DLGAP2: variants seen among roughly 807,000 people sequenced by gnomAD.
DLGAP2 encodes disks large-associated protein 2.
Under a neutral mutation model 100.3 loss-of-function variants are expected in DLGAP2, and 26 were observed. The observed-to-expected ratio is 0.26, with a 90% CI of 0.19 to 0.36. The LOEUF (loss-of-function observed/expected upper bound fraction) is 0.36. Among genes scored for constraint, DLGAP2 ranks in the 10% least tolerant of loss-of-function variants. The probability of loss-of-function intolerance (pLI) is 1.00; values close to 1 mark genes in which losing one functional copy is unlikely to be tolerated. For missense variants in DLGAP2, 1,858 were observed against 1,453.2 expected, an observed-to-expected ratio of 1.28 and a Z score of -4.53; for synonymous variants, 886 against 630.1, an observed-to-expected ratio of 1.41 and a Z score of -6.08.
chr8:1,509,327 CCA>C (rs1563191849), intron 4 of DLGAP2, among the ~76,000 whole-genome samples: 1 of 77,506 alleles, frequency 1.3e-5, no homozygotes, highest in African/African-American at 4.5e-5. Context: ...AAGACTCCGT[CCA>C]AAAAAAAAAA....
At chr8:849,337 T>C (rs1379209228) in intron 1 of DLGAP2, among the ~76,000 whole-genome samples, 2 of 152,240 alleles carry the variant, frequency 1.3e-5, no homozygotes, top group Non-Finnish European at 2.9e-5. Flanking sequence ...GGTGTTTCTA[T>C]GGATTCATTT....
chr8:1,325,148 C>G (rs780909372), intron 3 of DLGAP2, among the ~76,000 whole-genome samples: 10 of 152,198 alleles, frequency 6.6e-5, no homozygotes, highest in Non-Finnish European at 1.5e-4. Flanking sequence ...TCTGCAGGGT[C>G]ACTTTCCCCC....
intron 8 of DLGAP2, among the ~76,000 whole-genome samples, chr8:1,655,565 G>A (rs1226816039): frequency 6.6e-6 from 1 of 152,200 alleles, no homozygotes; most frequent in Non-Finnish European, 1.5e-5. Flanking sequence ...GAATTCAGAA[G>A]TGGTGTCCAG....
At chr8:907,532 C>A (rs1160205972) in intron 1 of DLGAP2, among the ~76,000 whole-genome samples, 1 of 152,210 alleles carries the variant, frequency 6.6e-6, no homozygotes, top group Non-Finnish European at 1.5e-5. Flanking sequence ...CAACAGCCCT[C>A]CATTTCCAGG....
intron 6 of DLGAP2, among the ~76,000 whole-genome samples, chr8:1,618,887 CT>C (rs1797241590): frequency 6.6e-6 from 1 of 152,158 alleles, no homozygotes; most frequent in Admixed American, 6.5e-5. Flanking sequence ...GAGTAGCACC[CT>C]CCTCTAAATT....
At chr8:1,304,034 C>T (rs1800430459) in intron 3 of DLGAP2, among the ~76,000 whole-genome samples, 1 of 152,218 alleles carries the variant, frequency 6.6e-6, no homozygotes, top group African/African-American at 2.4e-5. Flanking sequence ...CTTTTCCAGA[C>T]AGCTCATTTC....
At chr8:1,636,269 T>G (rs1797763445) in intron 8 of DLGAP2, among the ~76,000 whole-genome samples, 1 of 152,168 alleles carries the variant, frequency 6.6e-6, no homozygotes, top group African/African-American at 2.4e-5. Context: ...GGGCCGGAAA[T>G]TTTCTCAACA....
intron 1 of DLGAP2, among the ~76,000 whole-genome samples, chr8:779,154 C>T (rs148893594): frequency 0.012 from 1,847 of 152,344 alleles, 52 homozygotes; most frequent in African/African-American, 0.042. Context: ...AACTCCCTGA[C>T]GCCTTGCGCT....
chr8:1,459,123 C>T (rs1165367651), intron 3 of DLGAP2, among the ~76,000 whole-genome samples: 4 of 145,884 alleles, frequency 2.7e-5, no homozygotes, highest in African/African-American at 1.0e-4. Flanking sequence ...GGTTTACATG[C>T]GTAGACGCCA....
intron 1 of DLGAP2, among the ~76,000 whole-genome samples, chr8:748,261 C>T (rs1023683384): frequency 5.5e-5 from 7 of 127,916 alleles, no homozygotes; most frequent in East Asian, 2.4e-4. Context: ...GGGATGGGGC[C>T]GGCCTCTGTG....
intron 2 of DLGAP2, among the ~76,000 whole-genome samples, chr8:1,114,224 G>C (rs2336699): frequency 0.33 from 50,441 of 151,968 alleles, 8,516 homozygotes; most frequent in Admixed American, 0.36. Flanking sequence ...GAATGAGTTG[G>C]GGAGGAGTCC....
chr8:1,636,296 C>T (rs900025980), intron 8 of DLGAP2, among the ~76,000 whole-genome samples: 1 of 152,114 alleles, frequency 6.6e-6, no homozygotes, highest in Non-Finnish European at 1.5e-5. Flanking sequence ...ACAACTGATT[C>T]TAGAAGTCAT....
intron 1 of DLGAP2, among the ~76,000 whole-genome samples, chr8:877,517 C>A (rs1410389992): frequency 4.6e-5 from 7 of 152,362 alleles, no homozygotes; most frequent in African/African-American, 1.7e-4. Flanking sequence ...CCACTAATTG[C>A]TGCTGATTGC....
In DLGAP2 at chr8:1,549,544, A is replaced by T; in HGVS notation, c.1091A>T (p.Lys364Met). The change falls in exon 5 of 15, where the codon AAG becomes ATG. Residue 364 changes from lysine (K) to methionine (M), a missense_variant. By Grantham distance (95) the Lys-to-Met change is moderately conservative (BLOSUM62 -1). Transcript: ENST00000637795. ...GGGTTGGCGCTGACGCCCGACGCCA[A>T]GTACCTGAAGCGCAGCTCCTGGTCT... Reference protein sequence around the residue: ...CEGLALTPDAKYLKRSSWSTL... With the variant: ...CEGLALTPDAMYLKRSSWSTL... The T allele has an allele frequency of 6.2e-7, 1 of 1,613,290 alleles. No individual in the cohort carries two copies. Among genetic ancestry groups the T allele is most frequent in the Non-Finnish European group, 8.5e-7 (1 of 1,179,848 alleles).
chr8:925,283 T>G (rs2129002163), intron 2 of DLGAP2, among the ~76,000 whole-genome samples: 1 of 152,318 alleles, frequency 6.6e-6, no homozygotes, highest in South Asian at 2.1e-4. Context: ...TTTTTATTTT[T>G]TAATTATAAT....
At chr8:1,217,667 A>G (rs1344550314) in intron 2 of DLGAP2, among the ~76,000 whole-genome samples, 4 of 152,122 alleles carry the variant, frequency 2.6e-5, no homozygotes, top group Non-Finnish European at 4.4e-5. Context: ...CTGGTTAGCT[A>G]TATTCCAAGG....
At chr8:1,257,650 A>G (rs1442223557) in intron 2 of DLGAP2, among the ~76,000 whole-genome samples, 2 of 151,980 alleles carry the variant, frequency 1.3e-5, no homozygotes, top group Non-Finnish European at 2.9e-5. Flanking sequence ...TCTGTAGCTG[A>G]CGTGGAAGAG....
chr8:1,137,886 G>A (rs1366538951), intron 2 of DLGAP2: 1 of 152,236 alleles, frequency 6.6e-6, no homozygotes. Context: ...TGCCTCCGGG[G>A]TTCAAGCAGT....
At chr8:844,138 C>T (rs538246133) in intron 1 of DLGAP2, among the ~76,000 whole-genome samples, 241 of 152,280 alleles carry the variant, frequency 1.6e-3, no homozygotes, top group South Asian at 6.4e-3. Flanking sequence ...TATTCGTCAG[C>T]TCTGCCATTG....
Sources: allele counts gnomAD v4.1 joint callset (sites outside exome capture counted in the v4.1 genomes callset), GRCh38; gene constraint gnomAD v4.1.1; transcripts MANE v1.5; gene names NCBI Gene and HGNC (gene_info 2026-07-23, HGNC 2026-07-21).